KIF5C: variants seen among roughly 807,000 people sequenced by gnomAD.
KIF5C encodes the protein kinesin family member 5C.
A neutral mutation model predicts 125.2 loss-of-function variants in KIF5C; 18 were observed. The observed-to-expected ratio is 0.14, with a 90% CI of 0.10 to 0.21. KIF5C has a LOEUF of 0.21. Among genes scored for constraint, KIF5C ranks in the 10% least tolerant of loss-of-function variants. KIF5C has a pLI of 1.00. For missense variants in KIF5C, 780 were observed against 1,183.8 expected (o/e 0.66, Z 5.01); for synonymous variants, 405 against 434.0 (o/e 0.93, Z 0.83).
At chr2:148,958,481 A>G (rs2105125826) in intron 10 of KIF5C, among the ~76,000 whole-genome samples, 1 of 152,244 alleles carries the variant, frequency 6.6e-6, no homozygotes, top group Middle Eastern at 3.4e-3. Flanking sequence ...CACTTCTTTT[A>G]TAAAGTGCCT....
intron 19 of KIF5C, 29 bp downstream of exon 19, chr2:148,998,538 G>A (rs912021874): frequency 1.9e-6 from 3 of 1,551,212 alleles, no homozygotes; most frequent in Admixed American, 3.9e-5. Flanking sequence ...CCAGGGGTGT[G>A]GGGGTGGTCA....
At position 148,896,994 on chromosome 2, in the gene KIF5C, G is replaced by A. The variant is rs114862641; in HGVS notation, c.126+21251G>A. Reference sequence around the variant, plus strand: ...ATTACAGGCACTCACCACTACATCCGGCTAATTTTTGTATCTTTAGTAGAG... The same window carrying A: ...ATTACAGGCACTCACCACTACATCCAGCTAATTTTTGTATCTTTAGTAGAG... On this transcript the variant is annotated intron_variant, in intron 1 of 25. Coordinates refer to ENST00000435030, the MANE Select transcript of KIF5C (RefSeq NM_004522.3). 3.3e-3 allele frequency among the ~76,000 whole-genome samples: 497 copies of A among 152,074 alleles called. 3 individuals are homozygous for A. Among genetic ancestry groups the A allele is most frequent in the African/African-American group, 0.011 (454 of 41,490 alleles).
chr2:148,969,460 T>A (rs1179383798), intron 11 of KIF5C, among the ~76,000 whole-genome samples: 2 of 150,004 alleles, frequency 1.3e-5, no homozygotes, highest in African/African-American at 5.0e-5. Flanking sequence ...TGTGTGTGTG[T>A]GTATGTGTGT....
chr2:148,979,030 C>A, intron 13 of KIF5C, 40 bp downstream of exon 13: 1 of 1,504,076 alleles, frequency 6.6e-7, no homozygotes, highest in Non-Finnish European at 8.9e-7. Context: ...CAAAGTTCTT[C>A]TATTACTCTT....
intron 2 of KIF5C, among the ~76,000 whole-genome samples, chr2:148,925,943 A>G (rs1455053050): frequency 6.6e-6 from 1 of 152,152 alleles, no homozygotes; most frequent in East Asian, 1.9e-4. Context: ...GGCCTCAGGT[A>G]GTCAGCAGGA....
At position 148,994,409 on chromosome 2, in the gene KIF5C, G is replaced by T. The variant is rs1167102231; in HGVS notation, c.1906-12G>T. 1.3e-6 allele frequency: 2 copies of T among 1,546,994 alleles called. No homozygotes were observed. The highest frequency in any genetic ancestry group is 2.0e-5 in the Admixed American group (1 of 49,174). The stretch of plus-strand genomic sequence containing the variant: ...TGCTAGTCATTCACTCTTCCTTTTT[G>T]CTTGTTTAAAGCACGAAGCCAAGAT... On this transcript the variant is annotated splice_polypyrimidine_tract_variant and intron_variant, in intron 16 of 25. Transcript: ENST00000435030.
Position 148,942,660 on chromosome 2 carries a change from G to C in KIF5C, c.502-13G>C, listed in dbSNP as rs1403286770. 1 of 1,605,090 alleles carries C rather than the reference G, an allele frequency of 6.2e-7. No individual in the cohort carries two copies. The highest frequency in any genetic ancestry group is 1.1e-5 in the South Asian group (1 of 88,538). ...ACTCTTTCAGTGGTGAACCTGAACTGATTCTCTTCCAGGGGTGCACTGAGC... is the reference window on the plus strand; with the variant it reads ...ACTCTTTCAGTGGTGAACCTGAACTCATTCTCTTCCAGGGGTGCACTGAGC... On this transcript the variant is annotated splice_polypyrimidine_tract_variant and intron_variant, in intron 6 of 25. Transcript: ENST00000435030.
chr2:148,939,437 T>C (rs1682361398), intron 4 of KIF5C, among the ~76,000 whole-genome samples: 1 of 152,248 alleles, frequency 6.6e-6, no homozygotes, highest in African/African-American at 2.4e-5. Flanking sequence ...AGTGCTTCTT[T>C]AGGGCTGTTT....
intron 10 of KIF5C, among the ~76,000 whole-genome samples, chr2:148,957,909 A>G (rs948548839): frequency 1.3e-5 from 2 of 151,706 alleles, no homozygotes; most frequent in African/African-American, 4.9e-5. Context: ...AACTTCCATC[A>G]ACATAGATTG....
chr2:149,005,265 C>T, intron 21 of KIF5C, 128 bp from the exon 22 acceptor site: 9 of 1,448,928 alleles, frequency 6.2e-6, no homozygotes, highest in Non-Finnish European at 8.4e-6. Context: ...GGGGGTGTCA[C>T]AGGGAAGGGG....
At chr2:149,018,601 G>A (rs1682439017) in intron 25 of KIF5C, among the ~76,000 whole-genome samples, 1 of 152,220 alleles carries the variant, frequency 6.6e-6, no homozygotes, top group African/African-American at 2.4e-5. Flanking sequence ...GGCCAAGGCA[G>A]GAGGATCACT....
At chr2:149,019,834 C>T (rs1682479116) in intron 25 of KIF5C, among the ~76,000 whole-genome samples, 1 of 152,238 alleles carries the variant, frequency 6.6e-6, no homozygotes, top group Non-Finnish European at 1.5e-5. Context: ...ATACTTCTTG[C>T]AAAACCCTTG....
chr2:148,941,669 T>C lies in KIF5C; in HGVS notation c.445+11T>C. On this transcript the variant is annotated intron_variant, in intron 5 of 25. Transcript: ENST00000435030. Reference sequence around the variant, plus strand: ...GGGACTTACTTGATGGTAAGTAACCTCAGTGCTTGTCCTTTATTTGTTCTG... The same window carrying C: ...GGGACTTACTTGATGGTAAGTAACCCCAGTGCTTGTCCTTTATTTGTTCTG... 1 of 1,557,266 alleles carries C rather than the reference T, an allele frequency of 6.4e-7. No homozygotes were observed. Among genetic ancestry groups the C allele is most frequent in the Non-Finnish European group, 8.7e-7 (1 of 1,149,206 alleles).
At chr2:148,917,134 T>C (rs560212906) in intron 1 of KIF5C, among the ~76,000 whole-genome samples, 2 of 152,342 alleles carry the variant, frequency 1.3e-5, no homozygotes, top group East Asian at 3.9e-4. Context: ...CTCTGCTTTT[T>C]TTAATTTTTT....
At chr2:148,898,701 A>C (rs960007510) in intron 1 of KIF5C, among the ~76,000 whole-genome samples, 5 of 152,232 alleles carry the variant, frequency 3.3e-5, no homozygotes, top group African/African-American at 1.2e-4. Flanking sequence ...TAGAGCCTCC[A>C]GGAAGAAAGC....
At chr2:148,906,504 G>A (rs1449271416) in intron 1 of KIF5C, among the ~76,000 whole-genome samples, 1 of 152,132 alleles carries the variant, frequency 6.6e-6, no homozygotes, top group African/African-American at 2.4e-5. Flanking sequence ...AGTATTGCTT[G>A]AGCCCAGGAC....
At chr2:148,930,093 G>A (rs1236875157) in intron 3 of KIF5C, among the ~76,000 whole-genome samples, 1 of 152,150 alleles carries the variant, frequency 6.6e-6, no homozygotes, top group Non-Finnish European at 1.5e-5. Flanking sequence ...GCCACCCCAC[G>A]TACATGGGGC....
intron 2 of KIF5C, among the ~76,000 whole-genome samples, chr2:148,923,545 G>GT (rs1222035037): frequency 2.0e-5 from 3 of 152,052 alleles, no homozygotes; most frequent in Admixed American, 2.0e-4. Flanking sequence ...TGTTTTCTCT[G>GT]TTTTTGCAGT....
intron 7 of KIF5C, among the ~76,000 whole-genome samples, chr2:148,943,418 AG>A (rs1163757278): frequency 1.3e-5 from 2 of 152,154 alleles, no homozygotes; most frequent in African/African-American, 4.8e-5. Context: ...TCTTATTAAG[AG>A]GGATGTGGAC....
Sources: allele counts gnomAD v4.1 joint callset (sites outside exome capture counted in the v4.1 genomes callset), GRCh38; gene constraint gnomAD v4.1.1; transcripts MANE v1.5; gene names NCBI Gene and HGNC (gene_info 2026-07-23, HGNC 2026-07-21).